RIF1: variants seen among roughly 807,000 people sequenced by gnomAD.
RIF1 encodes the protein replication timing regulatory factor 1.
In RIF1, 45 loss-of-function variants were observed where a neutral mutation model predicts 247.1. The observed-to-expected ratio is 0.18, with a 90% CI of 0.14 to 0.23. RIF1 has a LOEUF of 0.23. RIF1 is among the 10% of genes least tolerant of loss of function. The pLI, the probability that RIF1 is intolerant of heterozygous loss-of-function variation, is 1.00. For missense variants in RIF1, 2,967 were observed against 2,862.5 expected, an observed-to-expected ratio of 1.04 and a Z score of -0.83; for synonymous variants, 1,087 against 978.8, an observed-to-expected ratio of 1.11 and a Z score of -2.06.
intron 8 of RIF1, among the ~76,000 whole-genome samples, chr2:151,427,265 T>G (rs1249964025): frequency 6.6e-6 from 1 of 151,570 alleles, no homozygotes; most frequent in Non-Finnish European, 1.5e-5. Context: ...CAGGCTGGAG[T>G]GCAAACATGA....
At chr2:151,460,795 T>C (rs781334098) in intron 26 of RIF1, among the ~76,000 whole-genome samples, 8 of 152,258 alleles carry the variant, frequency 5.3e-5, no homozygotes, top group Admixed American at 2.0e-4. Context: ...TTGGCGACTT[T>C]CACTAAGTCA....
At chr2:151,482,764 A>G (rs1303227746), downstream of RIF1, among the ~76,000 whole-genome samples, 4 of 152,198 alleles carry the variant, frequency 2.6e-5, no homozygotes, top group African/African-American at 9.7e-5. Context: ...TAATAAGTTA[A>G]ACAACTGAAA....
chr2:151,412,624 A>G (rs571066217), intron 3 of RIF1, among the ~76,000 whole-genome samples: 99 of 152,126 alleles, frequency 6.5e-4, no homozygotes, highest in African/African-American at 2.3e-3. Context: ...AGTAGCTGGG[A>G]TTACAGGCAT....
intron 10 of RIF1, chr2:151,498,346 A>G: frequency 1.9e-6 from 3 of 1,548,840 alleles, no homozygotes; most frequent in East Asian, 2.4e-5. Flanking sequence ...TTTTCTTTGT[A>G]TAGCACCTGT....
chr2:151,485,646 G>A (rs2049708744), downstream of RIF1: 2 of 1,024,732 alleles, frequency 2.0e-6, no homozygotes, highest in African/African-American at 3.2e-5. Flanking sequence ...AAATCACATT[G>A]ACACAGAAAA....
rs1559011830 is a variant in RIF1 at position 151,462,973 on chromosome 2, GAAT to G, written c.3457_3459del (p.Asn1153del). On this transcript the variant is annotated inframe_deletion, in exon 30 of 36. Transcript: ENST00000444746. ...AACATCTTGAAAAGTCCTCCCTTTC[GAAT>G]AATGAGTGTGGTTCTCTTGACAAAA... The G allele has an allele frequency of 3.1e-6, 5 of 1,613,978 alleles. No homozygotes were observed. The highest frequency in any genetic ancestry group is 2.5e-6 in the Non-Finnish European group (3 of 1,179,914).
intron 34 of RIF1, 75 bp from the exon 35 acceptor site, chr2:151,473,889 A>C: frequency 1.3e-6 from 1 of 780,076 alleles, no homozygotes. Flanking sequence ...TTGTACTATT[A>C]CTCCTATTAA....
chr2:151,505,830 G>A, intron 12 of RIF1: 1 of 546,388 alleles, frequency 1.8e-6, no homozygotes, highest in Non-Finnish European at 3.3e-6. Context: ...GCCCTTTCCT[G>A]TATACTCCAA....
downstream of RIF1, among the ~76,000 whole-genome samples, chr2:151,487,089 G>A (rs2051257138): frequency 6.6e-6 from 1 of 152,266 alleles, no homozygotes; most frequent in East Asian, 1.9e-4. Flanking sequence ...TGACAGAAAA[G>A]ACAGAATATG....
chr2:151,486,045 A>G, downstream of RIF1: 1 of 1,106,692 alleles, frequency 9.0e-7, no homozygotes, highest in South Asian at 1.5e-5. Context: ...AGTTGAACAA[A>G]AGAGAATGTG....
intron 9 of RIF1, chr2:151,493,340 T>A (rs1357923263): frequency 6.3e-7 from 1 of 1,581,358 alleles, no homozygotes. Flanking sequence ...TTCTTTTTAG[T>A]CCTAGAAAAT....
intron 9 of RIF1, among the ~76,000 whole-genome samples, chr2:151,489,781 A>T (rs1209482192): frequency 6.6e-6 from 1 of 152,112 alleles, no homozygotes; most frequent in Non-Finnish European, 1.5e-5. Context: ...TTATTGAATA[A>T]TGCTTTTCAT....
At chr2:151,439,562 A>T (rs1174304507) in intron 14 of RIF1, among the ~76,000 whole-genome samples, 1 of 151,280 alleles carries the variant, frequency 6.6e-6, no homozygotes, top group South Asian at 2.1e-4. Flanking sequence ...CCAGCTACTC[A>T]GGAGGCTGAG....
At chr2:151,530,201 T>C in the RIF1 span, among the ~76,000 whole-genome samples, 1 of 152,156 alleles carries the variant, frequency 6.6e-6, no homozygotes, top group Non-Finnish European at 1.5e-5. Flanking sequence ...CTTTTAAAAA[T>C]ATATAGAACT....
At chr2:151,491,601 C>T in intron 9 of RIF1, 1 of 1,205,874 alleles carries the variant, frequency 8.3e-7, no homozygotes. Flanking sequence ...AGGGAAGGAA[C>T]TTCAGAGCCC....
chr2:151,483,361 G>A (rs2049241529), downstream of RIF1: 1 of 152,086 alleles, frequency 6.6e-6, no homozygotes, highest in African/African-American at 2.4e-5. Flanking sequence ...TGTGATTAAT[G>A]TTTTAAGAGT....
chr2:151,533,904 A>G, the RIF1 span, among the ~76,000 whole-genome samples: 9 of 151,942 alleles, frequency 5.9e-5, no homozygotes, highest in Non-Finnish European at 8.8e-5. Flanking sequence ...TTGTTTGTTT[A>G]TTTTTTGCTT....
chr2:151,514,243 T>C, the RIF1 span: 1 of 1,052,816 alleles, frequency 9.5e-7, no homozygotes, highest in Non-Finnish European at 1.5e-6. Flanking sequence ...TTTGTTTTGC[T>C]TTTTCTGGTG....
chr2:151,429,015 T>C, intron 9 of RIF1, 93 bp downstream of exon 9: 2 of 764,378 alleles, frequency 2.6e-6, no homozygotes, highest in South Asian at 1.8e-5. Flanking sequence ...GATTTTAAGT[T>C]GAAGTTAAGT....
Sources: allele counts gnomAD v4.1 joint callset (sites outside exome capture counted in the v4.1 genomes callset), GRCh38; gene constraint gnomAD v4.1.1; transcripts MANE v1.5; gene names NCBI Gene and HGNC (gene_info 2026-07-23, HGNC 2026-07-21).